Variants in CEP85 observed in about 807,000 individuals in gnomAD.
The protein encoded by CEP85 is centrosomal protein 85.
In CEP85, 58 loss-of-function variants were observed where a neutral mutation model predicts 93.7. The ratio of observed to expected loss-of-function variants is 0.62; its 90% CI spans 0.50 to 0.77. CEP85 has a LOEUF of 0.77. Ranked by LOEUF, CEP85 falls within the 30% of genes least tolerant of loss-of-function variation. The pLI, the probability that CEP85 is intolerant of heterozygous loss-of-function variation, is 0.00. For missense variants in CEP85, 868 were observed against 922.0 expected, an observed-to-expected ratio of 0.94 and a Z score of 0.76; for synonymous variants, 314 against 338.6, an observed-to-expected ratio of 0.93 and a Z score of 0.80.
intron 8 of CEP85, 106 bp from the exon 9 acceptor site, chr1:26,269,354 A>G: frequency 8.6e-7 from 1 of 1,168,310 alleles, no homozygotes; most frequent in African/African-American, 1.5e-5. Context: ...TGCTGAGGAA[A>G]TTAAATATAG....
intron 10 of CEP85, 122 bp from the exon 11 acceptor site, chr1:26,271,899 T>C (rs2089980118): frequency 2.5e-6 from 2 of 786,108 alleles, no homozygotes; most frequent in East Asian, 2.6e-5. Flanking sequence ...CACTAATCTT[T>C]ATCCTGGTCT....
chr1:26,267,502 C>T (rs1043299781), intron 7 of CEP85, among the ~76,000 whole-genome samples: 15 of 152,158 alleles, frequency 9.9e-5, no homozygotes, highest in African/African-American at 3.1e-4. Context: ...AGGCGAAGGT[C>T]GCAGTGAGCC....
At chr1:26,235,045 C>G (rs2089303141) in intron 1 of CEP85, among the ~76,000 whole-genome samples, 3 of 152,188 alleles carry the variant, frequency 2.0e-5, no homozygotes, top group Non-Finnish European at 4.4e-5. Flanking sequence ...AGGAAGCTTC[C>G]TTCAGCGAGA....
At chr1:26,275,957 TGA>T (rs1277726385) in intron 12 of CEP85, among the ~76,000 whole-genome samples, 1 of 152,190 alleles carries the variant, frequency 6.6e-6, no homozygotes, top group African/African-American at 2.4e-5. Context: ...TCCACTGAGG[TGA>T]GAGTTTGAAA....
intron 7 of CEP85, among the ~76,000 whole-genome samples, chr1:26,260,836 G>T (rs2089796412): frequency 6.6e-6 from 1 of 151,456 alleles, no homozygotes; most frequent in Non-Finnish European, 1.5e-5. Context: ...TGGCATCTGG[G>T]CTGGAGTGCA....
At chr1:26,242,512 G>A (rs947295941) in intron 2 of CEP85, among the ~76,000 whole-genome samples, 1 of 152,140 alleles carries the variant, frequency 6.6e-6, no homozygotes, top group Non-Finnish European at 1.5e-5. Context: ...CCAAAGAATA[G>A]AAGAAGTATT....
At chr1:26,239,568 T>G (rs987908841) in intron 1 of CEP85, among the ~76,000 whole-genome samples, 194 bp from the exon 2 acceptor site, 1 of 147,172 alleles carries the variant, frequency 6.8e-6, no homozygotes, top group African/African-American at 2.7e-5. Flanking sequence ...GTCAGGCTGG[T>G]CTCGAACTCC....
intron 4 of CEP85, among the ~76,000 whole-genome samples, chr1:26,257,312 A>C (rs2089722801): frequency 6.6e-6 from 1 of 152,194 alleles, no homozygotes; most frequent in Non-Finnish European, 1.5e-5. Flanking sequence ...TTGGTTGGTG[A>C]GGACATCCTA....
intron 7 of CEP85, among the ~76,000 whole-genome samples, chr1:26,265,417 C>T (rs1484000610): frequency 2.6e-5 from 4 of 152,186 alleles, no homozygotes; most frequent in Non-Finnish European, 2.9e-5. Flanking sequence ...CCACACCCGG[C>T]CATATACATA....
In CEP85 at chr1:26,241,243, A is replaced by ATTTTTTT. The variant is rs1433524136; in HGVS notation, c.55+1405_55+1406insTTTTTTT. On this transcript the variant is annotated intron_variant, in intron 2 of 13. Coordinates refer to ENST00000451429, the MANE Select transcript of CEP85 (RefSeq NM_001319944.2). Reference sequence around the variant, plus strand: ...AATCAATTCAAGATTCATTCAGCAGAATTTTTTTTTTTTTTTTGAAATGGA... The same window carrying ATTTTTTT: ...AATCAATTCAAGATTCATTCAGCAGATTTTTTTATTTTTTTTTTTTTTTTGAAATGGA... Among the ~76,000 whole-genome samples, 23 of 61,832 alleles carry ATTTTTTT rather than the reference A, an allele frequency of 3.7e-4. 1 individual carries two copies. Among genetic ancestry groups the ATTTTTTT allele is most frequent in the Non-Finnish European group, 4.3e-4 (12 of 28,174 alleles). 40.6% of individuals were successfully genotyped at this position (61,832 alleles called of 152,430 possible).
chr1:26,241,501 C>T (rs900908935), intron 2 of CEP85, among the ~76,000 whole-genome samples: 3 of 151,994 alleles, frequency 2.0e-5, no homozygotes, highest in Non-Finnish European at 4.4e-5. Flanking sequence ...GCCTGGGCCT[C>T]GCAAAGTGCT....
At chr1:26,269,693 C>A in intron 9 of CEP85, 79 bp downstream of exon 9, 1 of 1,142,674 alleles carries the variant, frequency 8.8e-7, no homozygotes, top group Non-Finnish European at 1.2e-6. Flanking sequence ...ACCTGTGTGA[C>A]TTTGGGTGAT....
At position 26,256,923 on chromosome 1, in the gene CEP85, GTTTTGGTGT is replaced by G. The variant is rs1009548383; in HGVS notation, c.904-673_904-665del. ...TATTTTCCTTTTTTTGTTTTGTTTT[GTTTTGGTGT>G]GTGTGTGTGTGTGTGTGTGTGTGTT... On this transcript the variant is annotated intron_variant, in intron 4 of 13. Coordinates refer to ENST00000451429, the MANE Select transcript of CEP85 (RefSeq NM_001319944.2). Among the ~76,000 whole-genome samples the G allele has an allele frequency of 3.3e-4, 43 of 130,160 alleles. 1 individual carries two copies. The highest frequency in any genetic ancestry group is 3.9e-3 in the Middle Eastern group (1 of 258). The allele number at this position is 130,160 out of a possible 152,430, so 85.4% of individuals were successfully genotyped here. A position where few individuals can be genotyped will look rare whatever the true frequency, so the allele number is the denominator to read the frequency against.
At chr1:26,253,686 G>A (rs1326771251) in intron 3 of CEP85, among the ~76,000 whole-genome samples, 1 of 151,224 alleles carries the variant, frequency 6.6e-6, no homozygotes, top group East Asian at 2.0e-4. Context: ...CACTGCGCCC[G>A]GCCTCATCTT....
Position 26,244,372 on chromosome 1 carries a change from C to T in CEP85, c.208+54C>T. The stretch of plus-strand genomic sequence containing the variant: ...AATATGTGTTCTCATTTTCAGATTG[C>T]ATTTTGGGTATATTGGCATTTCCAG... On this transcript the variant is annotated intron_variant, in intron 3 of 13. Transcript: ENST00000451429. 3.3e-6 allele frequency: 5 copies of T among 1,522,628 alleles called. No individual in the cohort carries two copies. In the East Asian group the frequency reaches 9.1e-5, roughly 28 times the overall value. 94.3% of individuals were successfully genotyped at this position (1,522,628 alleles called of 1,614,324 possible).
At chr1:26,273,217 G>A (rs974555070) in intron 11 of CEP85, among the ~76,000 whole-genome samples, 1 of 152,208 alleles carries the variant, frequency 6.6e-6, no homozygotes, top group Non-Finnish European at 1.5e-5. Context: ...TTTTGGGCCA[G>A]AGTGGGAGTG....
At chr1:26,240,232 A>T (rs916401195) in intron 2 of CEP85, among the ~76,000 whole-genome samples, 4 of 152,194 alleles carry the variant, frequency 2.6e-5, no homozygotes, top group African/African-American at 9.6e-5. Flanking sequence ...ATTCCGTTGC[A>T]TTGTTACTAG....
chr1:26,276,692 T>G lies in CEP85; in HGVS notation c.2060T>G (p.Val687Gly). ...LASCLQDLQA[V>G]CSIVTQRAQG... The stretch of plus-strand genomic sequence containing the variant: ...AGTTGCCTTCAAGATCTGCAGGCTG[T>G]CTGTAGCATTGTGACCCAGAGGGCC... Residue 687 changes from valine to glycine, a missense_variant, in exon 13 of 14, where the codon GTC becomes GGC. Val to Gly is a moderately radical substitution (Grantham distance 109, BLOSUM62 -3). Coordinates refer to ENST00000451429, the MANE Select transcript of CEP85 (RefSeq NM_001319944.2). 1 of 1,614,176 alleles carries G rather than the reference T, an allele frequency of 6.2e-7. No homozygotes were observed. Among genetic ancestry groups the G allele is most frequent in the Non-Finnish European group, 8.5e-7 (1 of 1,180,034 alleles).
chr1:26,242,579 G>A (rs552182311), intron 2 of CEP85, among the ~76,000 whole-genome samples: 1 of 152,246 alleles, frequency 6.6e-6, no homozygotes, highest in Middle Eastern at 3.4e-3. Flanking sequence ...CAAAAAATGA[G>A]CAAAAGTAGA....
Sources: gnomAD v4.1 joint callset for allele counts (sites outside exome capture counted in the v4.1 genomes callset) on GRCh38, gnomAD v4.1.1 for gene constraint, MANE v1.5 for transcripts, NCBI Gene and HGNC (gene_info 2026-07-23, HGNC 2026-07-21) for gene names.